Variants in PKD2 observed in about 807,000 individuals in gnomAD.
The protein encoded by PKD2 is polycystin 2, transient receptor potential cation channel.
Under a neutral mutation model 105.9 loss-of-function variants are expected in PKD2, and 48 were observed. The ratio of observed to expected loss-of-function variants is 0.45; its 90% CI spans 0.36 to 0.58. The LOEUF is 0.58. PKD2 is among the 20% of genes least tolerant of loss of function. The pLI is 0.00. For missense variants in PKD2, 1,078 were observed against 1,255.3 expected, an observed-to-expected ratio of 0.86 and a Z score of 2.13; for synonymous variants, 464 against 481.1, an observed-to-expected ratio of 0.96 and a Z score of 0.46.
chr4:88,075,208 G>A (rs1721188503), intron 14 of PKD2, among the ~76,000 whole-genome samples: 1 of 152,162 alleles, frequency 6.6e-6, no homozygotes, highest in South Asian at 2.1e-4. Context: ...AGGCTGAGAT[G>A]TTTATCTTTC....
In PKD2 at chr4:88,052,080, C is replaced by CAACTTTGA; in HGVS notation, c.1639_1646dup (p.His550ThrfsTer15). ...TTCTGGAAGATCAAAATACTTTCCCCAACTTTGAGCATCTGGCATATTGGC... is the reference window on the plus strand; with the variant it reads ...TTCTGGAAGATCAAAATACTTTCCCCAACTTTGAAACTTTGAGCATCTGGCATATTGGC... On this transcript the variant is annotated frameshift_variant, in exon 7 of 15. Transcript: ENST00000237596. LOFTEE classifies it high-confidence loss of function. 6.2e-7 allele frequency: 1 copy of CAACTTTGA among 1,605,096 alleles called. No homozygotes were observed. Among genetic ancestry groups the CAACTTTGA allele is most frequent in the Non-Finnish European group, 8.5e-7 (1 of 1,172,056 alleles).
rs569220459 is a variant in PKD2 at position 88,060,638 on chromosome 4, T to C, written c.2020-1268T>C. Among the ~76,000 whole-genome samples the C allele has an allele frequency of 7.2e-4, 110 of 152,056 alleles. 1 individual carries two copies. Among genetic ancestry groups the C allele is most frequent in the Middle Eastern group, 6.8e-3 (2 of 294 alleles). ...TAGAAATACTTGCAAACCACAGTTA[T>C]GTGTTAAAAAGGAAAAACAAAGTAA... On this transcript the variant is annotated intron_variant, in intron 9 of 14. Coordinates refer to ENST00000237596, the MANE Select transcript of PKD2 (RefSeq NM_000297.4).
intron 3 of PKD2, among the ~76,000 whole-genome samples, chr4:88,037,234 C>CA (rs1269530061): frequency 4.6e-5 from 7 of 150,950 alleles, no homozygotes; most frequent in East Asian, 1.9e-4. Flanking sequence ...GACCCTTTCT[C>CA]AAAAAAAATC....
intron 1 of PKD2, among the ~76,000 whole-genome samples, chr4:88,009,974 AATTT>A (rs1490426508): frequency 2.6e-5 from 4 of 152,202 alleles, no homozygotes; most frequent in African/African-American, 9.7e-5. Flanking sequence ...TATGTATGTA[AATTT>A]ATTTCTTTTA....
Position 88,076,721 on chromosome 4 carries a change from C to T in PKD2, c.*1027C>T, listed in dbSNP as rs1278003298. The T allele has an allele frequency of 6.6e-6, 1 of 152,188 alleles. No homozygotes were observed. The highest frequency in any genetic ancestry group is 1.5e-5 in the Non-Finnish European group (1 of 68,040). 9.4% of individuals were successfully genotyped at this position (152,188 alleles called of 1,614,324 possible). A position where few individuals can be genotyped will look rare whatever the true frequency, so the allele number is the denominator to read the frequency against. ...TAGTACTCGGTCAGGTATGACGGCT[C>T]ACGCCTGTAATCCCAGCACTTTGGG... is the stretch of plus-strand genomic sequence containing the variant. On this transcript the variant is annotated 3_prime_UTR_variant, in exon 15 of 15. Transcript: ENST00000237596.
At chr4:88,068,448 C>T (rs191304629) in intron 13 of PKD2, among the ~76,000 whole-genome samples, 18 of 148,876 alleles carry the variant, frequency 1.2e-4, no homozygotes, top group African/African-American at 3.5e-4. Flanking sequence ...CCAGCCTGGG[C>T]GACAGTGCAA....
At chr4:88,019,594 C>A in intron 2 of PKD2, 23 bp downstream of exon 2, 2 of 1,245,586 alleles carry the variant, frequency 1.6e-6, no homozygotes, top group Non-Finnish European at 2.4e-6. Context: ...TTTCCTTGCA[C>A]TAATGGGAAA....
intron 5 of PKD2, 55 bp from the exon 6 acceptor site, chr4:88,046,587 G>A: frequency 9.7e-7 from 1 of 1,031,724 alleles, no homozygotes; most frequent in Non-Finnish European, 1.5e-6. Context: ...TCCATTCCTG[G>A]CTGTATTCAT....
intron 9 of PKD2, 92 bp downstream of exon 9, chr4:88,058,195 T>G (rs1720434626): frequency 1.2e-6 from 1 of 815,642 alleles, no homozygotes; most frequent in Non-Finnish European, 2.1e-6. Flanking sequence ...CTATCAATTT[T>G]AAATAAAGAC....
At chr4:88,065,138 TA>T (rs1197239761) in intron 10 of PKD2, among the ~76,000 whole-genome samples, 1 of 152,144 alleles carries the variant, frequency 6.6e-6, no homozygotes, top group Non-Finnish European at 1.5e-5. Context: ...CACATATGAG[TA>T]AAAGACCTTT....
At chr4:88,029,119 GA>G (rs1727058116) in intron 2 of PKD2, among the ~76,000 whole-genome samples, 1 of 152,124 alleles carries the variant, frequency 6.6e-6, no homozygotes, top group Admixed American at 6.5e-5. Context: ...GGTCACGGGG[GA>G]TGGCTCTTTT....
At position 88,075,467 on chromosome 4, in the gene PKD2, C is replaced by G. The variant is rs1415690666; in HGVS notation, c.2680C>G (p.Leu894Val). ...CTTTTTCCCTTTTTAGGATGAAAGG[C>G]TGGGTCGTGACAGTGAAATCCATAG... Reference protein sequence around the residue: ...LLDGVAEDERLGRDSEIHREQ... With the variant: ...LLDGVAEDERVGRDSEIHREQ... Residue 894 changes from leucine (L) to valine (V), a missense_variant, in exon 15 of 15, where the codon CTG (leucine) becomes GTG (valine). Physicochemically the swap from Leu to Val is conservative, Grantham distance 32. Transcript: ENST00000237596. 6.2e-7 allele frequency: 1 copy of G among 1,613,526 alleles called. No homozygotes were observed. Among genetic ancestry groups the G allele is most frequent in the South Asian group, 1.1e-5 (1 of 91,066 alleles).
At chr4:88,021,105 GATTAGA>G (rs1227180815) in intron 2 of PKD2, among the ~76,000 whole-genome samples, 2 of 152,170 alleles carry the variant, frequency 1.3e-5, no homozygotes, top group Non-Finnish European at 1.5e-5. Context: ...TTAACAAGTT[GATTAGA>G]ATTACTAAGT....
chr4:88,057,996 C>T lies in PKD2; in HGVS notation c.1912C>T (p.Arg638Cys), dbSNP rs1385712672. 2 of 1,599,790 alleles carry T rather than the reference C, an allele frequency of 1.3e-6. No homozygotes were observed. The highest frequency in any genetic ancestry group is 1.7e-6 in the Non-Finnish European group (2 of 1,166,986). ...TFQECIFTQF[R>C]IILGDINFAE... ...TTATTTTTATAGCTTCACTCAATTC[C>T]GTATCATTTTGGGCGATATCAACTT... Residue 638 changes from arginine (R) to cysteine (C), a missense_variant, in exon 9 of 15, where the codon CGT becomes TGT. Around this residue, in one of 2 missense-constraint regions of PKD2, gnomAD observed 868 missense variants for 1,067.3 expected, o/e 0.81. Transcript: ENST00000237596.
chr4:88,055,166 G>A (rs1720277581), intron 7 of PKD2, among the ~76,000 whole-genome samples: 2 of 152,182 alleles, frequency 1.3e-5, no homozygotes, highest in South Asian at 4.1e-4. Flanking sequence ...AGTTCAGGCA[G>A]GGCAGCTGGC....
At chr4:88,057,436 C>CT (rs770879919) in intron 8 of PKD2, among the ~76,000 whole-genome samples, 2,102 of 134,350 alleles carry the variant, frequency 0.016, 29 homozygotes, top group Middle Eastern at 0.05. Flanking sequence ...ATTGTATTTT[C>CT]TTTTTTTTTT....
intron 8 of PKD2, among the ~76,000 whole-genome samples, chr4:88,057,277 C>T (rs993211608): frequency 2.0e-5 from 3 of 151,724 alleles, no homozygotes; most frequent in African/African-American, 7.3e-5. Flanking sequence ...AGGCATGAGC[C>T]ACCACACCAG....
chr4:88,059,240 A>C (rs906327108), intron 9 of PKD2, among the ~76,000 whole-genome samples: 1 of 152,202 alleles, frequency 6.6e-6, no homozygotes, highest in Admixed American at 6.5e-5. Context: ...ATATCATTCA[A>C]GTTCATATGT....
chr4:88,009,860 C>G (rs1418075522), intron 1 of PKD2, among the ~76,000 whole-genome samples: 1 of 152,170 alleles, frequency 6.6e-6, no homozygotes, highest in Non-Finnish European at 1.5e-5. Flanking sequence ...TGGTAAGTTG[C>G]ATGATCCTTT....
Sources: gnomAD v4.1 joint callset for allele counts (sites outside exome capture counted in the v4.1 genomes callset) on GRCh38, gnomAD v4.1.1 for gene constraint, gnomAD v4.1.1 regional missense constraint, MANE v1.5 for transcripts, NCBI Gene and HGNC (gene_info 2026-07-23, HGNC 2026-07-21) for gene names.